Variants in PEX7 observed in about 807,000 individuals in gnomAD.
PEX7 encodes peroxisomal biogenesis factor 7.
PEX7 carries 34 observed loss-of-function variants against 47.5 expected under a neutral mutation model. That is an observed-to-expected ratio of 0.72 (90% CI 0.54 to 0.95). PEX7 has a LOEUF of 0.95. Among genes scored for constraint, PEX7 ranks in the 40% least tolerant of loss-of-function variants. PEX7 has a pLI of 0.00. For missense variants in PEX7, 394 were observed against 400.3 expected (o/e 0.98, Z 0.13); for synonymous variants, 141 against 148.8 (o/e 0.95, Z 0.38).
In PEX7 at chr6:136,862,033, T is replaced by TA. The variant is rs1774973807; in HGVS notation, c.527-4594_527-4593insA. Reference sequence around the variant, plus strand: ...TTTTTCTGTATTTATATATATATATTTTATATATATTATATATATATATAT... The same window carrying TA: ...TTTTTCTGTATTTATATATATATATTATTATATATATTATATATATATATAT... On this transcript the variant is annotated intron_variant, in intron 5 of 9. Transcript: ENST00000318471. Among the ~76,000 whole-genome samples, 3 of 143,626 alleles carry TA rather than the reference T, an allele frequency of 2.1e-5. 1 individual carries two copies. In the South Asian group the frequency reaches 6.5e-4, roughly 31 times the overall value. The allele number at this position is 143,626 out of a possible 152,430, so 94.2% of individuals were successfully genotyped here.
chr6:136,906,490 G>A (rs755648559), intron 9 of PEX7, among the ~76,000 whole-genome samples: 4 of 152,036 alleles, frequency 2.6e-5, no homozygotes, highest in Non-Finnish European at 4.4e-5. Context: ...GTGTATGTGT[G>A]TGTGTGCATG....
intron 5 of PEX7, among the ~76,000 whole-genome samples, chr6:136,858,670 A>T (rs1021256128): frequency 6.6e-6 from 1 of 152,248 alleles, no homozygotes; most frequent in African/African-American, 2.4e-5. Flanking sequence ...TGAGATGCCA[A>T]ATTGACAGCT....
chr6:136,833,125 A>G (rs1449490019), intron 3 of PEX7, among the ~76,000 whole-genome samples: 1 of 152,192 alleles, frequency 6.6e-6, no homozygotes, highest in African/African-American at 2.4e-5. Context: ...TGGGTAATTT[A>G]TAAAGGAAAG....
At chr6:136,872,864 G>A (rs565713728) in intron 8 of PEX7, among the ~76,000 whole-genome samples, 5 of 152,100 alleles carry the variant, frequency 3.3e-5, no homozygotes, top group South Asian at 2.1e-4. Context: ...ACCCTGTAAT[G>A]CTTAGAAAGT....
Position 136,866,607 on chromosome 6 carries a change from C to CA in PEX7, c.527-18dup. 6.3e-7 allele frequency: 1 copy of CA among 1,595,408 alleles called. No individual in the cohort carries two copies. ...TTCAAGTGGTGTGATGGGAAATGAT[C>CA]AAGTCTTCCTTTTTACTAGGTGATC... On this transcript the variant is annotated intron_variant, in intron 5 of 9. Transcript: ENST00000318471.
rs1171046878 is a variant in PEX7 at position 136,900,338 on chromosome 6, TTTAA to T, written c.903+2101_903+2104del. 5.6e-5 allele frequency: 11 copies of T among 198,192 alleles called. No homozygotes were observed. Among genetic ancestry groups the T allele is most frequent in the Non-Finnish European group, 8.5e-5 (8 of 94,342 alleles). The allele number at this position is 198,192 out of a possible 1,614,324, so 12.3% of individuals were successfully genotyped here. A position where few individuals can be genotyped will look rare whatever the true frequency, so the allele number is the denominator to read the frequency against. On this transcript the variant is annotated intron_variant, in intron 9 of 9. Transcript: ENST00000318471. This position sits in a 1 kb window ranked among gnomAD's most constrained non-coding sequence, Gnocchi z 4.2. ...TTTTTCAAAGGATAATTTGTATTAT[TTTAA>T]TTATTTTTATGTACAGAAAACTCAA...
intron 8 of PEX7, among the ~76,000 whole-genome samples, chr6:136,884,389 C>G (rs545993255): frequency 1.1e-4 from 17 of 152,234 alleles, no homozygotes; most frequent in African/African-American, 2.9e-4. Context: ...ATAAGACCAA[C>G]AGTAACCTGT....
chr6:136,845,680 A>G lies in PEX7; in HGVS notation c.405A>G (p.Gln135=), dbSNP rs1338256910. 6.2e-7 allele frequency: 1 copy of G among 1,602,878 alleles called. No individual in the cohort carries two copies. Among genetic ancestry groups the G allele is most frequent in the Non-Finnish European group, 8.5e-7 (1 of 1,169,792 alleles). Residue 135 remains glutamine (Q), a synonymous_variant, in exon 4 of 10, where the codon CAA becomes CAG. Coordinates refer to ENST00000318471, the MANE Select transcript of PEX7 (RefSeq NM_000288.4). ...EQLVVSGSWD[Q]TVKLWDPTVG... Reference sequence around the variant, plus strand: ...TTGTGGTGTCTGGCTCATGGGATCAAACTGTCAAATTGGTATGTTAGCATT... The same window carrying G: ...TTGTGGTGTCTGGCTCATGGGATCAGACTGTCAAATTGGTATGTTAGCATT...
chr6:136,854,306 C>G (rs1311146617), intron 5 of PEX7, among the ~76,000 whole-genome samples: 1 of 152,114 alleles, frequency 6.6e-6, no homozygotes, highest in African/African-American at 2.4e-5. Flanking sequence ...AAGCAATTCT[C>G]CTGCCTCAGC....
chr6:136,835,628 G>A (rs991795204), intron 3 of PEX7, among the ~76,000 whole-genome samples: 1 of 152,080 alleles, frequency 6.6e-6, no homozygotes, highest in Non-Finnish European at 1.5e-5. Flanking sequence ...ACAGTGTCTG[G>A]GGCTGGAGCC....
intron 2 of PEX7, among the ~76,000 whole-genome samples, chr6:136,825,770 G>A (rs1341253618): frequency 1.3e-5 from 2 of 152,038 alleles, no homozygotes; most frequent in Admixed American, 6.6e-5. Context: ...CCTGACCTCA[G>A]GTGATCTGCC....
At chr6:136,884,991 A>G (rs947442207) in intron 8 of PEX7, among the ~76,000 whole-genome samples, 2 of 152,196 alleles carry the variant, frequency 1.3e-5, no homozygotes, top group Non-Finnish European at 2.9e-5. Flanking sequence ...CCCTTAAGTT[A>G]GTTAACTTCT....
chr6:136,899,034 G>A (rs1775703415), intron 9 of PEX7, among the ~76,000 whole-genome samples: 1 of 145,708 alleles, frequency 6.9e-6, no homozygotes, highest in South Asian at 2.2e-4. Context: ...TCACATTAAT[G>A]TGTTCTGAAA....
chr6:136,895,787 T>C (rs1775637807), intron 8 of PEX7, among the ~76,000 whole-genome samples: 1 of 152,232 alleles, frequency 6.6e-6, no homozygotes, highest in African/African-American at 2.4e-5. Flanking sequence ...GAAGTGTCTT[T>C]ATGCCATTCA....
chr6:136,872,093 A>C, intron 7 of PEX7, 105 bp from the exon 8 acceptor site: 6 of 944,252 alleles, frequency 6.4e-6, no homozygotes, highest in Non-Finnish European at 9.8e-6. Flanking sequence ...GACAGCTCTG[A>C]CTCAACTTAA....
At chr6:136,911,999 A>G (rs1344969201) in intron 9 of PEX7, among the ~76,000 whole-genome samples, 2 of 152,148 alleles carry the variant, frequency 1.3e-5, no homozygotes, top group Non-Finnish European at 2.9e-5. Context: ...ATATGGTGGT[A>G]TCTCATTGTC....
intron 3 of PEX7, among the ~76,000 whole-genome samples, chr6:136,839,756 A>T (rs1774461656): frequency 6.6e-6 from 1 of 152,216 alleles, no homozygotes; most frequent in African/African-American, 2.4e-5. Flanking sequence ...CTTTTCCTTC[A>T]TTCATTCCAG....
chr6:136,845,821 A>T (rs1220794040), intron 4 of PEX7, 129 bp downstream of exon 4: 7 of 726,088 alleles, frequency 9.6e-6, no homozygotes, highest in South Asian at 1.6e-5. Context: ...TTTAAAAAAA[A>T]AATTAAAACA....
chr6:136,908,318 G>T (rs1195881690), intron 9 of PEX7, among the ~76,000 whole-genome samples: 3 of 152,024 alleles, frequency 2.0e-5, no homozygotes, highest in African/African-American at 7.2e-5. Context: ...GAACTTATAT[G>T]GCATCTTACC....
Sources: allele counts gnomAD v4.1 joint callset (sites outside exome capture counted in the v4.1 genomes callset), GRCh38; gene constraint gnomAD v4.1.1; non-coding constraint Gnocchi (gnomAD v3.1); transcripts MANE v1.5; gene names NCBI Gene and HGNC (gene_info 2026-07-23, HGNC 2026-07-21).